Variants in MEIKIN observed in about 807,000 individuals in gnomAD.
MEIKIN encodes the protein meiotic kinetochore factor.
rs934969405 is a variant in MEIKIN at position 131,933,740 on chromosome 5, A to T, written c.350-99T>A. 7 of 389,820 alleles carry T rather than the reference A, an allele frequency of 1.8e-5. No homozygotes were observed. In the East Asian group the frequency reaches 2.6e-4, roughly 14 times the overall value. 24.1% of individuals were successfully genotyped at this position (389,820 alleles called of 1,614,324 possible). On this transcript the variant is annotated intron_variant, in intron 4 of 12. Coordinates refer to ENST00000442687, the MANE Select transcript of MEIKIN (RefSeq NM_001303622.2). ...TATGGAAATGTACATGCTTAGTTAT[A>T]TATTATTACTAGAACATAAGACTGC...
At chr5:131,928,076 G>A (rs371784041) in intron 5 of MEIKIN, among the ~76,000 whole-genome samples, 8 of 150,906 alleles carry the variant, frequency 5.3e-5, no homozygotes, top group Non-Finnish European at 1.2e-4. Flanking sequence ...CCCGGGAGGC[G>A]GAGCTTGCAG....
intron 8 of MEIKIN, among the ~76,000 whole-genome samples, chr5:131,906,918 T>C (rs1751252470): frequency 6.6e-6 from 1 of 152,160 alleles, no homozygotes; most frequent in Non-Finnish European, 1.5e-5. Context: ...CTATGCTTAT[T>C]ACATAGATGA....
chr5:131,945,226 G>C lies in MEIKIN; in HGVS notation c.130C>G (p.His44Asp). ...PPGSKRKGKV[H>D]GLSKIAEKAE... ...TTCTCTGCAATCTTCGACAAGCCGTGCACTTTGCCTTTTCTCTTCGAACCT... is the reference window on the plus strand; with the variant it reads ...TTCTCTGCAATCTTCGACAAGCCGTCCACTTTGCCTTTTCTCTTCGAACCT... The change falls in exon 2 of 13, where the codon CAC becomes GAC. Residue 44 changes from histidine to aspartate, a missense_variant. His to Asp is a moderately conservative substitution (Grantham distance 81). Coordinates refer to ENST00000442687, the MANE Select transcript of MEIKIN (RefSeq NM_001303622.2). The C allele has an allele frequency of 2.5e-6, 1 of 399,266 alleles. No individual in the cohort carries two copies. Among genetic ancestry groups the C allele is most frequent in the Non-Finnish European group, 4.4e-6 (1 of 226,230 alleles). The allele number at this position is 399,266 out of a possible 1,614,324, so 24.7% of individuals were successfully genotyped here. A position where few individuals can be genotyped will look rare whatever the true frequency, so the allele number is the denominator to read the frequency against.
rs143194064 is a variant in MEIKIN, at chr5:131,906,250, C to T, written c.703+5565G>A. Reference sequence around the variant, plus strand: ...CTTCAAAAGAAGACATACACACGACCGACAAACATGCAAAAATGCTCAACA... The same window carrying T: ...CTTCAAAAGAAGACATACACACGACTGACAAACATGCAAAAATGCTCAACA... On this transcript the variant is annotated intron_variant, in intron 8 of 12. Coordinates refer to ENST00000442687, the MANE Select transcript of MEIKIN (RefSeq NM_001303622.2). Among the ~76,000 whole-genome samples, 570 of 152,142 alleles carry T rather than the reference C, an allele frequency of 3.7e-3. 4 individuals carry two copies. Among genetic ancestry groups the T allele is most frequent in the African/African-American group, 0.013 (539 of 41,514 alleles).
chr5:131,933,203 A>C (rs1202792483), intron 5 of MEIKIN, among the ~76,000 whole-genome samples: 2 of 152,204 alleles, frequency 1.3e-5, no homozygotes, highest in African/African-American at 4.8e-5. Flanking sequence ...AAGTACAGGA[A>C]AAAAAAGATA....
At chr5:131,875,109 C>G (rs1316130266) in intron 9 of MEIKIN, among the ~76,000 whole-genome samples, 2 of 152,196 alleles carry the variant, frequency 1.3e-5, no homozygotes, top group African/African-American at 4.8e-5. Context: ...TCTCTTACCA[C>G]TCCGATTCAA....
intron 11 of MEIKIN, among the ~76,000 whole-genome samples, chr5:131,835,117 T>G (rs1394010600): frequency 6.6e-6 from 1 of 152,026 alleles, no homozygotes; most frequent in African/African-American, 2.4e-5. Context: ...TCAGGTCCTT[T>G]GAGCATTTTT....
At chr5:131,890,261 T>C (rs541173601) in intron 8 of MEIKIN, among the ~76,000 whole-genome samples, 2 of 152,194 alleles carry the variant, frequency 1.3e-5, no homozygotes, top group Non-Finnish European at 2.9e-5. Flanking sequence ...AATGGAATAG[T>C]TTCAGAAGGA....
intron 8 of MEIKIN, among the ~76,000 whole-genome samples, chr5:131,880,559 T>A (rs1334889639): frequency 6.6e-6 from 1 of 152,326 alleles, no homozygotes; most frequent in East Asian, 1.9e-4. Context: ...TCTTTATTCT[T>A]AGCAATACTA....
At chr5:131,915,811 A>T (rs1486012312) in intron 7 of MEIKIN, among the ~76,000 whole-genome samples, 2 of 152,208 alleles carry the variant, frequency 1.3e-5, no homozygotes, top group African/African-American at 4.8e-5. Context: ...TTAAAAAAAA[A>T]AATAAATGAA....
chr5:131,859,470 G>A (rs1750247272), intron 9 of MEIKIN, among the ~76,000 whole-genome samples: 1 of 152,140 alleles, frequency 6.6e-6, no homozygotes, highest in Non-Finnish European at 1.5e-5. Flanking sequence ...TCTTGATAGA[G>A]TGAGTTCTTA....
chr5:131,810,488 T>C (rs959385419), intron 12 of MEIKIN, among the ~76,000 whole-genome samples: 3 of 152,244 alleles, frequency 2.0e-5, no homozygotes, highest in Non-Finnish European at 1.5e-5. Flanking sequence ...TAATAAGCTC[T>C]GTGCATTTGG....
intron 11 of MEIKIN, among the ~76,000 whole-genome samples, chr5:131,827,416 T>G (rs377438056): frequency 1.3e-5 from 2 of 152,270 alleles, no homozygotes; most frequent in South Asian, 2.1e-4. Flanking sequence ...ACAGTACATA[T>G]AAATGGACTA....
At chr5:131,880,110 C>T (rs1275804412) in intron 8 of MEIKIN, among the ~76,000 whole-genome samples, 3 of 150,426 alleles carry the variant, frequency 2.0e-5, no homozygotes, top group African/African-American at 7.3e-5. Context: ...TTTTTTGAGA[C>T]GGAGTTTTGC....
At chr5:131,867,790 G>T (rs972269554) in intron 9 of MEIKIN, among the ~76,000 whole-genome samples, 2 of 152,066 alleles carry the variant, frequency 1.3e-5, no homozygotes, top group Admixed American at 1.3e-4. Flanking sequence ...GAACATTTTC[G>T]TTGCTTCCAA....
At chr5:131,902,612 G>A (rs549550625) in intron 8 of MEIKIN, among the ~76,000 whole-genome samples, 40 of 152,000 alleles carry the variant, frequency 2.6e-4, no homozygotes, top group Admixed American at 1.6e-3. Context: ...TAAATAACCC[G>A]GTCTCAGATA....
At chr5:131,887,756 A>G (rs1437799471) in intron 8 of MEIKIN, among the ~76,000 whole-genome samples, 7 of 150,938 alleles carry the variant, frequency 4.6e-5, no homozygotes, top group East Asian at 1.9e-4. Flanking sequence ...TGTGCACAAC[A>G]TGCAGGTTTG....
At chr5:131,900,035 T>C (rs759528530) in intron 8 of MEIKIN, among the ~76,000 whole-genome samples, 2 of 152,216 alleles carry the variant, frequency 1.3e-5, no homozygotes, top group Non-Finnish European at 1.5e-5. Flanking sequence ...GTTCAGAATA[T>C]ACATTTTTTT....
intron 9 of MEIKIN, among the ~76,000 whole-genome samples, chr5:131,875,113 G>T (rs1031921849): frequency 2.6e-5 from 4 of 152,104 alleles, no homozygotes; most frequent in Non-Finnish European, 4.4e-5. Context: ...TTACCACTCC[G>T]ATTCAACATA....
Sources: allele counts gnomAD v4.1 joint callset (sites outside exome capture counted in the v4.1 genomes callset), GRCh38; gene constraint gnomAD v4.1.1; transcripts MANE v1.5; gene names NCBI Gene and HGNC (gene_info 2026-07-23, HGNC 2026-07-21).